Variants in WAC observed in about 807,000 individuals in gnomAD.
The protein encoded by WAC is WW domain-containing adapter protein with coiled-coil.
In WAC, 11 loss-of-function variants were observed where a neutral mutation model predicts 79.6. The observed-to-expected ratio is 0.14, with a 90% CI of 0.09 to 0.23. The LOEUF (loss-of-function observed/expected upper bound fraction) is 0.23, where lower values mean the gene tolerates loss of function less well. WAC is among the 10% of genes least tolerant of loss of function. WAC has a pLI of 1.00. For missense variants in WAC, 728 were observed against 773.5 expected (o/e 0.94, Z 0.70); for synonymous variants, 304 against 276.9 (o/e 1.10, Z -0.97).
chr10:28,549,258 C>G (rs1014339800), intron 3 of WAC, among the ~76,000 whole-genome samples: 1 of 152,160 alleles, frequency 6.6e-6, no homozygotes, highest in East Asian at 1.9e-4. Context: ...TAATCTCATG[C>G]TTGAGCCGTG....
intron 3 of WAC, among the ~76,000 whole-genome samples, chr10:28,541,415 G>GTGTGTTTTTT (rs1212601285): frequency 3.4e-4 from 13 of 37,904 alleles, no homozygotes; most frequent in Non-Finnish European, 4.7e-4. Context: ...GTGTGTGTGT[G>GTGTGTTTTTT]TTTTGTTTTT....
At chr10:28,571,191 G>C (rs1838942703) in intron 3 of WAC, among the ~76,000 whole-genome samples, 1 of 151,832 alleles carries the variant, frequency 6.6e-6, no homozygotes, top group African/African-American at 2.4e-5. Context: ...TGGCCTCCCA[G>C]AGTGCTGGAA....
At chr10:28,580,692 T>C (rs1839489278) in intron 3 of WAC, among the ~76,000 whole-genome samples, 1 of 152,238 alleles carries the variant, frequency 6.6e-6, no homozygotes, top group Non-Finnish European at 1.5e-5. Flanking sequence ...TCCATATTAC[T>C]AGTTCTACTT....
At chr10:28,535,031 A>T (rs1025331185) in intron 2 of WAC, among the ~76,000 whole-genome samples, 1 of 152,044 alleles carries the variant, frequency 6.6e-6, no homozygotes, top group African/African-American at 2.4e-5. Flanking sequence ...TTTATACCTT[A>T]AAATTGTTTC....
At chr10:28,541,415 GTTTTGT>G (rs1168885881) in intron 3 of WAC, among the ~76,000 whole-genome samples, 2 of 37,900 alleles carry the variant, frequency 5.3e-5, no homozygotes, top group Non-Finnish European at 8.5e-5. Context: ...GTGTGTGTGT[GTTTTGT>G]TTTTTTTTTT....
chr10:28,552,603 T>C (rs2079939640), intron 3 of WAC, among the ~76,000 whole-genome samples: 1 of 152,152 alleles, frequency 6.6e-6, no homozygotes, highest in African/African-American at 2.4e-5. Context: ...AAACTGAAAA[T>C]TTTGAATCAT....
chr10:28,573,483 T>C (rs1034346745), intron 3 of WAC, among the ~76,000 whole-genome samples: 3 of 152,342 alleles, frequency 2.0e-5, no homozygotes, highest in Admixed American at 6.5e-5. Context: ...TTTCGCTTCC[T>C]AGGTTAAAAT....
Position 28,618,367 on chromosome 10 carries a change from G to GA in WAC, c.1874+583_1874+584insA, listed in dbSNP as rs386371040. On this transcript the variant is annotated intron_variant, in intron 13 of 13. Transcript: ENST00000354911. ...TGTCTGTGCAAGTCACAGAGTTACA[G>GA]GTCGATTGAATCTTGTCAAGAAACC... Among the ~76,000 whole-genome samples the GA allele has an allele frequency of 3.2e-4, 9 of 28,214 alleles. No individual in the cohort carries two copies. In the East Asian group the frequency reaches 0.013, roughly 40 times the overall value. 18.5% of individuals were successfully genotyped at this position (28,214 alleles called of 152,430 possible). A position where few individuals can be genotyped will look rare whatever the true frequency, so the allele number is the denominator to read the frequency against.
At chr10:28,615,004 C>CT (rs1841413485) in intron 11 of WAC, 2 of 193,338 alleles carry the variant, frequency 1.0e-5, no homozygotes, top group Admixed American at 1.2e-4. Flanking sequence ...AATTACCTTA[C>CT]TTTTTAACCT....
intron 10 of WAC, among the ~76,000 whole-genome samples, chr10:28,614,353 A>G (rs751058599): frequency 6.6e-6 from 1 of 152,178 alleles, no homozygotes; most frequent in Admixed American, 6.5e-5. Context: ...TCGGCCTCCC[A>G]AAGTGCTGGG....
intron 4 of WAC, chr10:28,589,456 A>T: frequency 5.1e-6 from 1 of 195,268 alleles, no homozygotes; most frequent in Non-Finnish European, 1.0e-5. Flanking sequence ...AGATTTTGTC[A>T]TGCTTTCTAA....
intron 11 of WAC, chr10:28,615,958 G>T: frequency 2.3e-6 from 1 of 431,452 alleles, no homozygotes; most frequent in Non-Finnish European, 4.1e-6. Flanking sequence ...ATTTGACTCT[G>T]ACAGTAGTGT....
intron 3 of WAC, among the ~76,000 whole-genome samples, chr10:28,555,111 C>A (rs1168723964): frequency 6.6e-6 from 1 of 152,130 alleles, no homozygotes; most frequent in African/African-American, 2.4e-5. Flanking sequence ...AATTGCCAGG[C>A]CAGTAATCTT....
intron 4 of WAC, among the ~76,000 whole-genome samples, chr10:28,588,077 A>G (rs1839912000): frequency 6.6e-6 from 1 of 152,190 alleles, no homozygotes; most frequent in Admixed American, 6.5e-5. Flanking sequence ...TCCTCTGTCC[A>G]CTAGTCTCAA....
intron 10 of WAC, among the ~76,000 whole-genome samples, chr10:28,612,186 A>G (rs1745989526): frequency 6.6e-6 from 1 of 152,218 alleles, no homozygotes; most frequent in South Asian, 2.1e-4. Flanking sequence ...TGAGATAAAG[A>G]GGATATACTG....
chr10:28,545,924 G>A (rs181684449), intron 3 of WAC, among the ~76,000 whole-genome samples: 9 of 152,306 alleles, frequency 5.9e-5, no homozygotes, highest in Admixed American at 5.2e-4. Context: ...CACTTCAGTG[G>A]TAAATTTCAT....
intron 3 of WAC, among the ~76,000 whole-genome samples, chr10:28,554,047 A>G (rs1837849456): frequency 6.6e-6 from 1 of 152,016 alleles, no homozygotes; most frequent in Admixed American, 6.6e-5. Flanking sequence ...TTGTATTTTT[A>G]GTAAGAGATG....
At chr10:28,583,572 A>G in intron 4 of WAC, 67 bp downstream of exon 4, 2 of 1,056,416 alleles carry the variant, frequency 1.9e-6, no homozygotes, top group Non-Finnish European at 2.7e-6. Flanking sequence ...AAAAAAATAC[A>G]ACCCATGGCA....
intron 7 of WAC, 111 bp downstream of exon 7, chr10:28,596,152 AAG>A (rs1211972298): frequency 8.3e-7 from 1 of 1,205,228 alleles, no homozygotes; most frequent in Non-Finnish European, 1.1e-6. Context: ...ATTTTTAAAA[AAG>A]TCTTTTAGAA....
Sources: gnomAD v4.1 joint callset for allele counts (sites outside exome capture counted in the v4.1 genomes callset) on GRCh38, gnomAD v4.1.1 for gene constraint, MANE v1.5 for transcripts, NCBI Gene and HGNC (gene_info 2026-07-23, HGNC 2026-07-21) for gene names.